Variants in CHODL observed in about 807,000 individuals in gnomAD.
CHODL encodes the protein chondrolectin.
CHODL carries 29 observed loss-of-function variants against 34.5 expected under a neutral mutation model. That is an observed-to-expected ratio of 0.84 (90% CI 0.63 to 1.15). The LOEUF is 1.15. CHODL is among the 50% of genes most tolerant of loss of function. CHODL has a pLI of 0.00. For synonymous variants in CHODL, 125 were observed against 116.1 expected, an observed-to-expected ratio of 1.08 and a Z score of -0.49; for missense variants, 332 against 332.5, an observed-to-expected ratio of 1.00 and a Z score of 0.01.
chr21:18,245,359 G>C, intron 1 of CHODL, 57 bp downstream of exon 1: 1 of 1,406,560 alleles, frequency 7.1e-7, no homozygotes, highest in Non-Finnish European at 9.4e-7. Context: ...CACGGGGCGC[G>C]GCGGGCAGCC....
chr21:17,972,839 A>G (rs1393267779), intron 1 of CHODL, among the ~76,000 whole-genome samples: 2 of 152,210 alleles, frequency 1.3e-5, no homozygotes, highest in Non-Finnish European at 1.5e-5. Flanking sequence ...AGCCAAGACA[A>G]TTGTAAGCAA....
At chr21:18,202,671 A>G (rs1241708033) in intron 2 of CHODL, among the ~76,000 whole-genome samples, 1 of 146,580 alleles carries the variant, frequency 6.8e-6, no homozygotes, top group Non-Finnish European at 1.5e-5. Flanking sequence ...AGCAGCCCAA[A>G]CAGACTAAAA....
chr21:18,128,884 T>C (rs1256760071), intron 2 of CHODL, among the ~76,000 whole-genome samples: 1 of 152,178 alleles, frequency 6.6e-6, no homozygotes, highest in Non-Finnish European at 1.5e-5. Context: ...GAATTTATTG[T>C]AGACGTATGA....
At chr21:17,936,091 G>T (rs1055068866) in intron 1 of CHODL, among the ~76,000 whole-genome samples, 5 of 152,088 alleles carry the variant, frequency 3.3e-5, no homozygotes, top group African/African-American at 9.7e-5. Context: ...CGTAGAAATA[G>T]AACTTTCTTA....
At chr21:18,120,854 C>T (rs1402268985) in intron 2 of CHODL, among the ~76,000 whole-genome samples, 2 of 151,916 alleles carry the variant, frequency 1.3e-5, no homozygotes, top group East Asian at 1.9e-4. Flanking sequence ...TGTGCCTTTC[C>T]ATGTGTACTC....
chr21:18,149,859 G>A (rs764056391), intron 2 of CHODL, among the ~76,000 whole-genome samples: 1 of 152,260 alleles, frequency 6.6e-6, no homozygotes, highest in African/African-American at 2.4e-5. Flanking sequence ...AAGGTATTTT[G>A]TACTGTCAAC....
intron 2 of CHODL, among the ~76,000 whole-genome samples, chr21:18,194,009 T>C (rs2146696389): frequency 6.6e-6 from 1 of 152,202 alleles, no homozygotes; most frequent in African/African-American, 2.4e-5. Context: ...TCCAATCCAA[T>C]CTACCTTTGT....
At chr21:18,084,970 T>C (rs2064988126) in intron 2 of CHODL, among the ~76,000 whole-genome samples, 1 of 150,220 alleles carries the variant, frequency 6.7e-6, no homozygotes. Context: ...TGAATCTGAG[T>C]GCTCCAATGT....
intron 2 of CHODL, among the ~76,000 whole-genome samples, chr21:18,224,302 A>G (rs2073911125): frequency 6.6e-6 from 1 of 152,162 alleles, no homozygotes; most frequent in Non-Finnish European, 1.5e-5. Context: ...TGGCTTTTCC[A>G]AGCTGGATGA....
chr21:18,005,161 C>T (rs2063948396), intron 1 of CHODL, among the ~76,000 whole-genome samples: 3 of 152,330 alleles, frequency 2.0e-5, no homozygotes, highest in Non-Finnish European at 2.9e-5. Context: ...TGGCCAGATC[C>T]TCTGGGTTCT....
Position 17,995,582 on chromosome 21 carries a change from CA to C in CHODL, c.-144-32289del, listed in dbSNP as rs1400081938. Among the ~76,000 whole-genome samples the C allele has an allele frequency of 2.0e-5, 3 of 152,298 alleles. No individual in the cohort carries two copies. In the East Asian group the frequency reaches 5.8e-4, roughly 29 times the overall value. ...CCTTCTTTGTGGTGGAGGCAAGTGCCAGATGTCTCTTATCAGCCATCTTGAA... is the reference window on the plus strand; with the variant it reads ...CCTTCTTTGTGGTGGAGGCAAGTGCCGATGTCTCTTATCAGCCATCTTGAA... On this transcript the variant is annotated intron_variant, in intron 1 of 6. Transcript: ENST00000400127.
chr21:17,917,990 G>C (rs1191038189), intron 1 of CHODL, among the ~76,000 whole-genome samples: 1 of 151,952 alleles, frequency 6.6e-6, no homozygotes. Flanking sequence ...TACTATATGG[G>C]AAATAAAAGA....
At chr21:18,255,744 G>C (rs1489051402) in intron 1 of CHODL, among the ~76,000 whole-genome samples, 1 of 151,740 alleles carries the variant, frequency 6.6e-6, no homozygotes. Context: ...TTCATAGTTG[G>C]GAGATTTTAA....
chr21:18,056,059 A>C (rs2064576029), intron 2 of CHODL, among the ~76,000 whole-genome samples: 3 of 151,932 alleles, frequency 2.0e-5, no homozygotes, highest in Admixed American at 2.0e-4. Flanking sequence ...TTGAAGCACT[A>C]TCTTAGATTT....
intron 1 of CHODL, among the ~76,000 whole-genome samples, chr21:17,970,296 AT>A (rs1002434736): frequency 2.9e-4 from 44 of 152,280 alleles, no homozygotes; most frequent in African/African-American, 1.1e-3. Flanking sequence ...TAAGGCCACT[AT>A]TTTAATTTTT....
chr21:18,148,848 C>A (rs1030802009), intron 2 of CHODL, among the ~76,000 whole-genome samples: 2 of 150,680 alleles, frequency 1.3e-5, no homozygotes, highest in African/African-American at 4.9e-5. Context: ...TTCAAATATA[C>A]CCCACATTTG....
chr21:18,230,600 AAGTG>A (rs1568946349), intron 2 of CHODL, among the ~76,000 whole-genome samples: 1 of 152,122 alleles, frequency 6.6e-6, no homozygotes, highest in Non-Finnish European at 1.5e-5. Flanking sequence ...ATTAGAAACA[AAGTG>A]AAGGAAATAC....
intron 2 of CHODL, among the ~76,000 whole-genome samples, chr21:18,090,558 C>A (rs1443589416): frequency 6.7e-6 from 1 of 150,040 alleles, no homozygotes; most frequent in African/African-American, 2.5e-5. Context: ...ATATTACATC[C>A]CTAAAATAAC....
At chr21:18,233,725 C>T (rs2074003647) in intron 2 of CHODL, among the ~76,000 whole-genome samples, 1 of 152,048 alleles carries the variant, frequency 6.6e-6, no homozygotes, top group African/African-American at 2.4e-5. Context: ...AATGGTTAGG[C>T]TGCTTCTGGT....
Sources: allele counts gnomAD v4.1 joint callset (sites outside exome capture counted in the v4.1 genomes callset), GRCh38; gene constraint gnomAD v4.1.1; transcripts MANE v1.5; gene names NCBI Gene and HGNC (gene_info 2026-07-23, HGNC 2026-07-21).